DNAH14: variants seen among roughly 807,000 people sequenced by gnomAD.
DNAH14 encodes dynein axonemal heavy chain 14, also known as axonemal beta dynein heavy chain 14.
DNAH14 carries 478 observed loss-of-function variants against 520.9 expected under a neutral mutation model. The ratio of observed to expected loss-of-function variants is 0.92; its 90% CI spans 0.85 to 0.99. The LOEUF is 0.99. Ranked by LOEUF, DNAH14 falls within the 50% of genes least tolerant of loss-of-function variation. The pLI is 0.00. For missense variants in DNAH14, 4,831 were observed against 5,234.5 expected, an observed-to-expected ratio of 0.92 and a Z score of 2.38; for synonymous variants, 1,581 against 1,757.2, an observed-to-expected ratio of 0.90 and a Z score of 2.51.
At chr1:225,386,251 A>C (rs532443198) in intron 81 of DNAH14, among the ~76,000 whole-genome samples, 1 of 152,354 alleles carries the variant, frequency 6.6e-6, no homozygotes, top group African/African-American at 2.4e-5. Flanking sequence ...AAAGACTTAA[A>C]TGTTAGACCT....
intron 54 of DNAH14, among the ~76,000 whole-genome samples, chr1:225,287,689 G>C (rs2093778458): frequency 6.6e-6 from 1 of 152,082 alleles, no homozygotes; most frequent in East Asian, 1.9e-4. Context: ...CCCAGATCTT[G>C]GTTTCTAATA....
intron 27 of DNAH14, among the ~76,000 whole-genome samples, chr1:225,136,899 A>G (rs1176987400): frequency 2.6e-5 from 4 of 152,108 alleles, no homozygotes; most frequent in Admixed American, 6.5e-5. Flanking sequence ...TTTCAGAAAG[A>G]TAGTCTTCAA....
At chr1:225,156,191 A>G (rs949923815) in intron 34 of DNAH14, among the ~76,000 whole-genome samples, 1 of 152,142 alleles carries the variant, frequency 6.6e-6, no homozygotes, top group Non-Finnish European at 1.5e-5. Context: ...TCATGTTGGA[A>G]GAACCTAATG....
chr1:225,321,086 A>G (rs1170683127), intron 61 of DNAH14, among the ~76,000 whole-genome samples: 1 of 152,208 alleles, frequency 6.6e-6, no homozygotes, highest in Non-Finnish European at 1.5e-5. Context: ...TATTTCAAAA[A>G]GGCCAAGCTG....
In DNAH14 at chr1:225,051,773, A is replaced by G; in HGVS notation, c.2402A>G (p.Lys801Arg). 6.7e-7 allele frequency: 1 copy of G among 1,496,176 alleles called. No homozygotes were observed. The highest frequency in any genetic ancestry group is 8.9e-7 in the Non-Finnish European group (1 of 1,123,538). 92.7% of individuals were successfully genotyped at this position (1,496,176 alleles called of 1,614,324 possible). ...ACCCTCATACAATCTGTAATTGAAA[A>G]AAAGAACAAAAATTTATTGGAAGTA... ...SHTLIQSVIE[K>R]KNKNLLEVVE... The change falls in exon 17 of 86, where the codon AAA (lysine) becomes AGA (arginine). Residue 801 changes from lysine to arginine, a missense_variant. Physicochemically the swap from Lys to Arg is conservative, Grantham distance 26 (BLOSUM62 2). Transcript: ENST00000682510.
intron 42 of DNAH14, among the ~76,000 whole-genome samples, chr1:225,239,885 A>G (rs149163578): frequency 6.6e-6 from 1 of 152,334 alleles, no homozygotes; most frequent in Non-Finnish European, 1.5e-5. Flanking sequence ...AAATAGTTTT[A>G]TGGTAATACT....
intron 35 of DNAH14, among the ~76,000 whole-genome samples, chr1:225,167,408 T>G (rs896266904): frequency 3.9e-5 from 6 of 152,214 alleles, no homozygotes; most frequent in African/African-American, 1.2e-4. Context: ...GGTTAAAATA[T>G]TAAGTATCTT....
intron 1 of DNAH14, among the ~76,000 whole-genome samples, chr1:224,931,243 G>A (rs1362059824): frequency 6.6e-6 from 1 of 152,120 alleles, no homozygotes; most frequent in Admixed American, 6.5e-5. Context: ...TTTCTATACA[G>A]CTGTACAATG....
Position 225,119,263 on chromosome 1 carries a change from G to A in DNAH14, c.4135G>A (p.Val1379Ile). The change falls in exon 26 of 86, where the codon GTA becomes ATA. Residue 1379 changes from valine to isoleucine, a missense_variant. Transcript: ENST00000682510. ...RSAVEQWLVN[V>I]EKSMFDVLKK... ...TGCTGTAGAACAGTGGCTGGTAAATGTAGAAAAAAGCATGTTCGATGTGCT... is the reference window on the plus strand; with the variant it reads ...TGCTGTAGAACAGTGGCTGGTAAATATAGAAAAAAGCATGTTCGATGTGCT... 2 of 1,524,258 alleles carry A rather than the reference G, an allele frequency of 1.3e-6. No individual in the cohort carries two copies. The highest frequency in any genetic ancestry group is 1.8e-6 in the Non-Finnish European group (2 of 1,134,060). The allele number at this position is 1,524,258 out of a possible 1,614,324, so 94.4% of individuals were successfully genotyped here. A position where few individuals can be genotyped will look rare whatever the true frequency, so the allele number is the denominator to read the frequency against.
intron 45 of DNAH14, among the ~76,000 whole-genome samples, chr1:225,258,806 G>C (rs2092828918): frequency 6.6e-6 from 1 of 152,142 alleles, no homozygotes; most frequent in Non-Finnish European, 1.5e-5. Context: ...AATTGGGTTG[G>C]CAGAAATTTT....
Position 225,325,737 on chromosome 1 carries a change from T to TAC in DNAH14, c.9723+907_9723+908dup, listed in dbSNP as rs200841960. On this transcript the variant is annotated intron_variant, in intron 64 of 85. Transcript: ENST00000682510. Reference sequence around the variant, plus strand: ...AGTCCATTGATATCTTTTGACCTATTACAGTCTTCCCACCCCTCACCTCAT... The same window carrying TAC: ...AGTCCATTGATATCTTTTGACCTATTACACAGTCTTCCCACCCCTCACCTCAT... 4.7e-3 allele frequency among the ~76,000 whole-genome samples: 719 copies of TAC among 152,314 alleles called. 7 individuals are homozygous for TAC. The highest frequency in any genetic ancestry group is 0.016 in the African/African-American group (672 of 41,572).
intron 43 of DNAH14, among the ~76,000 whole-genome samples, chr1:225,247,891 C>T (rs1440845036): frequency 2.6e-5 from 4 of 152,024 alleles, no homozygotes; most frequent in African/African-American, 4.8e-5. Flanking sequence ...CGGTGGCGGG[C>T]GCCTGTAGTC....
chr1:225,335,362 C>CGTGTGTACATGTGT (rs1553335284), intron 66 of DNAH14, among the ~76,000 whole-genome samples: 1 of 51,086 alleles, frequency 2.0e-5, no homozygotes, highest in African/African-American at 1.0e-4. Context: ...TGCATATACA[C>CGTGTGTACATGTGT]GTGTACATGT....
chr1:225,051,874 AT>A, intron 17 of DNAH14, 79 bp downstream of exon 17: 1 of 997,608 alleles, frequency 1.0e-6, no homozygotes. Flanking sequence ...TACTTAGAGA[AT>A]ATATGATATC....
At chr1:225,206,279 T>C in intron 40 of DNAH14, 100 bp downstream of exon 40, 3 of 1,101,452 alleles carry the variant, frequency 2.7e-6, no homozygotes, top group Non-Finnish European at 2.5e-6. Context: ...TATTTTTACC[T>C]TTGTATCCAG....
At chr1:225,151,575 A>G (rs1283067923) in intron 31 of DNAH14, among the ~76,000 whole-genome samples, 5 of 152,190 alleles carry the variant, frequency 3.3e-5, no homozygotes, top group Admixed American at 1.3e-4. Context: ...AGTGGTCCCA[A>G]AGTTTTTAAA....
intron 41 of DNAH14, among the ~76,000 whole-genome samples, chr1:225,216,837 C>T (rs542384644): frequency 1.1e-4 from 17 of 152,230 alleles, no homozygotes; most frequent in African/African-American, 3.4e-4. Flanking sequence ...GCAATGGGTT[C>T]GAACATCCTC....
intron 55 of DNAH14, among the ~76,000 whole-genome samples, chr1:225,291,381 A>G (rs183840019): frequency 9.9e-5 from 15 of 152,128 alleles, no homozygotes; most frequent in African/African-American, 3.6e-4. Flanking sequence ...AAATGCCCAG[A>G]AGTGGGATTG....
chr1:225,055,482 C>T (rs2068942445), intron 17 of DNAH14, among the ~76,000 whole-genome samples: 1 of 152,098 alleles, frequency 6.6e-6, no homozygotes, highest in African/African-American at 2.4e-5. Context: ...TCCAGAATAG[C>T]TGGGACTACA....
Sources: gnomAD v4.1 joint callset for allele counts (sites outside exome capture counted in the v4.1 genomes callset) on GRCh38, gnomAD v4.1.1 for gene constraint, MANE v1.5 for transcripts, NCBI Gene and HGNC (gene_info 2026-07-23, HGNC 2026-07-21) for gene names.